Variants in KCNMA1 observed in about 807,000 individuals in gnomAD.
KCNMA1 encodes the protein Calcium-activated potassium channel subunit alpha-1.
A neutral mutation model predicts 140.0 loss-of-function variants in KCNMA1; 29 were observed. The observed-to-expected ratio is 0.21, with a 90% CI of 0.15 to 0.28. KCNMA1 has a LOEUF of 0.28. Ranked by LOEUF, KCNMA1 falls within the 10% of genes least tolerant of loss-of-function variation. The pLI, the probability that KCNMA1 is intolerant of heterozygous loss-of-function variation, is 1.00. For synonymous variants in KCNMA1, 612 were observed against 611.9 expected, an observed-to-expected ratio of 1.00 and a Z score of 0.00; for missense variants, 880 against 1,602.2, an observed-to-expected ratio of 0.55 and a Z score of 7.70.
chr10:77,033,908 G>T (rs558123135), intron 15 of KCNMA1, among the ~76,000 whole-genome samples: 1 of 152,222 alleles, frequency 6.6e-6, no homozygotes, highest in East Asian at 1.9e-4. Flanking sequence ...CAATCAAGTG[G>T]ATGAATAGAG....
At chr10:77,474,625 G>A (rs944024565) in intron 1 of KCNMA1, among the ~76,000 whole-genome samples, 1 of 152,110 alleles carries the variant, frequency 6.6e-6, no homozygotes, top group African/African-American at 2.4e-5. Flanking sequence ...TGCCCTGTCT[G>A]GAGGTTCCAC....
chr10:77,437,331 T>C (rs758704273), intron 1 of KCNMA1, among the ~76,000 whole-genome samples: 14 of 152,090 alleles, frequency 9.2e-5, no homozygotes, highest in Non-Finnish European at 1.5e-4. Flanking sequence ...GGCAGGAAGT[T>C]CGGTTAAAAT....
intron 6 of KCNMA1, among the ~76,000 whole-genome samples, chr10:77,116,675 T>G (rs186345400): frequency 6.6e-6 from 1 of 152,178 alleles, no homozygotes; most frequent in East Asian, 1.9e-4. Context: ...TTCTGCCAAT[T>G]CAATCCCTTA....
In KCNMA1 at chr10:77,506,596, A is replaced by AGAGAGAGAGTGTGTGTGTGT; in HGVS notation, c.379-102574_379-102573insACACACACACACTCTCTCTC. Among the ~76,000 whole-genome samples the AGAGAGAGAGTGTGTGTGTGT allele has an allele frequency of 2.0e-3, 164 of 83,536 alleles. 2 individuals carry two copies. The highest frequency in any genetic ancestry group is 2.3e-3 in the Non-Finnish European group (112 of 49,158). 54.8% of individuals were successfully genotyped at this position (83,536 alleles called of 152,430 possible). A position where few individuals can be genotyped will look rare whatever the true frequency, so the allele number is the denominator to read the frequency against. On this transcript the variant is annotated intron_variant, in intron 1 of 27. Coordinates refer to ENST00000286628, the MANE Select transcript of KCNMA1 (RefSeq NM_001161352.2). ...TAGAGAGAGAGAGAGAGAGAGAGAG[A>AGAGAGAGAGTGTGTGTGTGT]GTGTGTGTGTGTGTGTGTGTGTGTT...
intron 3 of KCNMA1, among the ~76,000 whole-genome samples, chr10:77,212,068 C>T (rs939378423): frequency 7.2e-5 from 11 of 152,146 alleles, no homozygotes; most frequent in African/African-American, 2.7e-4. Context: ...ATCAGAGCTA[C>T]CATTCAACCC....
At chr10:76,916,571 G>A (rs941382148) in intron 23 of KCNMA1, among the ~76,000 whole-genome samples, 4 of 152,148 alleles carry the variant, frequency 2.6e-5, no homozygotes, top group East Asian at 1.9e-4. Context: ...CACTCACTTC[G>A]GTTTCTCCTT....
intron 2 of KCNMA1, among the ~76,000 whole-genome samples, chr10:77,356,659 A>G (rs1345231690): frequency 2.0e-5 from 3 of 152,184 alleles, no homozygotes; most frequent in Admixed American, 2.0e-4. Context: ...TGGTCCCTCA[A>G]GTCTACCCAA....
chr10:77,501,065 G>C (rs918840917), intron 1 of KCNMA1, among the ~76,000 whole-genome samples: 1 of 152,222 alleles, frequency 6.6e-6, no homozygotes, highest in African/African-American at 2.4e-5. Context: ...ACCCACCAAG[G>C]CAACAATTAA....
chr10:77,454,962 G>A (rs139120967), intron 1 of KCNMA1, among the ~76,000 whole-genome samples: 1 of 151,920 alleles, frequency 6.6e-6, no homozygotes, highest in African/African-American at 2.4e-5. Flanking sequence ...TGAAAGAGTG[G>A]GCCAAGCCAC....
chr10:77,109,242 G>A (rs974931596), intron 8 of KCNMA1, among the ~76,000 whole-genome samples: 1 of 152,074 alleles, frequency 6.6e-6, no homozygotes, highest in Non-Finnish European at 1.5e-5. Context: ...TTGCGTGAAT[G>A]TACACATGCA....
chr10:77,253,105 G>A (rs757963608), intron 2 of KCNMA1, among the ~76,000 whole-genome samples: 8 of 152,094 alleles, frequency 5.3e-5, no homozygotes, highest in Non-Finnish European at 1.2e-4. Context: ...AAAACAAAAA[G>A]CTTAAGATTA....
At chr10:77,557,740 C>T (rs2065041616) in intron 1 of KCNMA1, among the ~76,000 whole-genome samples, 1 of 151,418 alleles carries the variant, frequency 6.6e-6, no homozygotes, top group South Asian at 2.1e-4. Flanking sequence ...GCAACCTCCG[C>T]CTCCTGGGTT....
chr10:77,445,153 C>T (rs2097499942), intron 1 of KCNMA1, among the ~76,000 whole-genome samples: 1 of 152,030 alleles, frequency 6.6e-6, no homozygotes. Flanking sequence ...CAGAAAAACC[C>T]AGGGAAGCCA....
At chr10:76,927,773 T>C (rs965712696) in intron 23 of KCNMA1, among the ~76,000 whole-genome samples, 2 of 152,208 alleles carry the variant, frequency 1.3e-5, no homozygotes, top group East Asian at 3.9e-4. Context: ...AAGGGTCAGG[T>C]AATTTACCAA....
At chr10:77,217,138 C>G (rs983836317) in intron 3 of KCNMA1, among the ~76,000 whole-genome samples, 3 of 151,988 alleles carry the variant, frequency 2.0e-5, no homozygotes, top group African/African-American at 7.3e-5. Context: ...AATCCCATCT[C>G]TACTAAAAAT....
At chr10:77,292,740 T>C (rs923850507) in intron 2 of KCNMA1, among the ~76,000 whole-genome samples, 2 of 152,238 alleles carry the variant, frequency 1.3e-5, no homozygotes, top group African/African-American at 2.4e-5. Flanking sequence ...ACATTAAATA[T>C]ACTCTCTTGA....
chr10:77,001,413 G>A lies in KCNMA1; in HGVS notation c.2260C>T (p.Arg754Cys), dbSNP rs117053189. Residue 754 changes from arginine (R) to cysteine (C), a missense_variant, in exon 19 of 28, where the codon CGT (arginine) becomes TGT (cysteine). This residue lies in a region of KCNMA1 where 196 missense variants were observed against 233.0 expected (regional missense o/e 0.84). Transcript: ENST00000286628. ...VSVNDCSTSF[R>C]AFEDEQPSTL... is the part of the protein sequence containing the mutation. ...GTGTTGAGGTTAAACTTACAGGCACGGAAACTGGTGGAGCAATCATTAACA... is the reference window on the plus strand; with the variant it reads ...GTGTTGAGGTTAAACTTACAGGCACAGAAACTGGTGGAGCAATCATTAACA... 2.6e-5 allele frequency: 41 copies of A among 1,551,556 alleles called. No homozygotes were observed. In the East Asian group the frequency reaches 3.2e-4, roughly 12 times the overall value.
At chr10:77,315,889 T>G (rs1257094593) in intron 2 of KCNMA1, among the ~76,000 whole-genome samples, 1 of 152,112 alleles carries the variant, frequency 6.6e-6, no homozygotes, top group Non-Finnish European at 1.5e-5. Flanking sequence ...ACATAATCAT[T>G]CTAGACTGTG....
intron 1 of KCNMA1, among the ~76,000 whole-genome samples, chr10:77,610,166 C>A (rs2086292295): frequency 6.6e-6 from 1 of 152,234 alleles, no homozygotes. Context: ...AGAGGCTTCT[C>A]TGGCTACCCA....
Sources: allele counts gnomAD v4.1 joint callset (sites outside exome capture counted in the v4.1 genomes callset), GRCh38; gene constraint gnomAD v4.1.1; regional missense constraint gnomAD v4.1.1; transcripts MANE v1.5; gene names NCBI Gene and HGNC (gene_info 2026-07-23, HGNC 2026-07-21).